The following SNAPC4 variants were observed in gnomAD, a reference collection of about 807,000 sequenced individuals.
SNAPC4 encodes snRNA-activating protein complex subunit 4.
A neutral mutation model predicts 151.3 loss-of-function variants in SNAPC4; 127 were observed. That is an observed-to-expected ratio of 0.84 (90% confidence interval 0.73 to 0.97). SNAPC4 has a LOEUF of 0.97. Ranked by LOEUF, SNAPC4 falls within the 50% of genes least tolerant of loss-of-function variation. The pLI, the probability that SNAPC4 is intolerant of heterozygous loss-of-function variation, is 0.00. For missense variants in SNAPC4, 2,186 were observed against 1,935.0 expected, an observed-to-expected ratio of 1.13 and a Z score of -2.43; for synonymous variants, 1,002 against 824.4, an observed-to-expected ratio of 1.22 and a Z score of -3.69.
Position 136,397,005 on chromosome 9 carries a change from T to A in SNAPC4, c.149A>T (p.Asp50Val). 5 of 1,612,696 alleles carry A rather than the reference T, an allele frequency of 3.1e-6. No individual in the cohort carries two copies. The highest frequency in any genetic ancestry group is 4.2e-6 in the Non-Finnish European group (5 of 1,179,896). ...DSEADSLPSE[D>V]LDPADPPISE... ...GATCGGGGGATCGGCAGGATCCAAG[T>A]CCTCAGAAGGCAGTGAATCTGTCAG... The change falls in exon 3 of 24, where the codon GAC becomes GTC. Residue 50 changes from aspartate to valine, a missense_variant. Physicochemically the swap from Asp to Val is radical, Grantham distance 152 (BLOSUM62 -3). Coordinates refer to ENST00000684778, the MANE Select transcript of SNAPC4 (RefSeq NM_003086.4).
Position 136,383,903 on chromosome 9 carries a change from T to A in SNAPC4, c.1500+50A>T, listed in dbSNP as rs775081460. On this transcript the variant is annotated intron_variant, in intron 15 of 23. Transcript: ENST00000684778. The surrounding 1 kb of genome is among the most constrained non-coding windows in gnomAD (Gnocchi z 4.2). Reference sequence around the variant, plus strand: ...TCCTCCTGCCTGCTGGACCCCCCAGTTGACCAGGCCATTGTCTGGTTTCAG... The same window carrying A: ...TCCTCCTGCCTGCTGGACCCCCCAGATGACCAGGCCATTGTCTGGTTTCAG... The A allele has an allele frequency of 7.4e-7, 1 of 1,358,958 alleles. No homozygotes were observed. Among genetic ancestry groups the A allele is most frequent in the Non-Finnish European group, 1.0e-6 (1 of 961,224 alleles). 84.2% of individuals were successfully genotyped at this position (1,358,958 alleles called of 1,614,324 possible).
At chr9:136,388,710 AC>A (rs1370876547) in intron 10 of SNAPC4, 119 bp from the exon 11 acceptor site, 13 of 1,156,900 alleles carry the variant, frequency 1.1e-5, no homozygotes, top group Non-Finnish European at 1.6e-5. Flanking sequence ...CCTTCTGCAG[AC>A]CCCAGCTCTC....
At chr9:136,389,083 C>T (rs1380189473) in intron 10 of SNAPC4, among the ~76,000 whole-genome samples, 5 of 152,176 alleles carry the variant, frequency 3.3e-5, no homozygotes, top group South Asian at 2.1e-4. Context: ...TCTCAGGAGA[C>T]GCCCTCAGAA....
At position 136,378,596 on chromosome 9, in the gene SNAPC4, G is replaced by A. The variant is rs573845967; in HGVS notation, c.3231C>T (p.Thr1077=). The A allele has an allele frequency of 3.9e-5, 61 of 1,582,970 alleles. 1 individual carries two copies. The South Asian group carries it at 5.1e-4, about 13-fold the overall frequency. Reference sequence around the variant, plus strand: ...GAAGCCCCTGGGCTGTGAGCACCCAGGTGACAGGCAGGGGGACACTGGTCG... The same window carrying A: ...GAAGCCCCTGGGCTGTGAGCACCCAAGTGACAGGCAGGGGGACACTGGTCG... ...HVATSVPLPV[T]WVLTAQGLLP... The change falls in exon 22 of 24, where the codon ACC becomes ACT. Residue 1077 remains threonine (T), a synonymous_variant. Transcript: ENST00000684778.
rs1449111062 is a variant in SNAPC4, at chr9:136,377,640, A to G, written c.4187T>C (p.Val1396Ala). ...GTCTTCATCCTCACTCTCAGAGCCCACCCTCGAAGGTACTGAGAGGGTGGT... is the reference window on the plus strand; with the variant it reads ...GTCTTCATCCTCACTCTCAGAGCCCGCCCTCGAAGGTACTGAGAGGGTGGT... The part of the protein sequence containing the change: ...VRTTLSVPSR[V>A]GSESEDEDLL... Residue 1396 changes from valine (V) to alanine (A), a missense_variant, in exon 22 of 24, where the codon GTG (valine) becomes GCG (alanine). Val to Ala is a moderately conservative substitution (Grantham distance 64). Transcript: ENST00000684778. 8 of 1,586,114 alleles carry G rather than the reference A, an allele frequency of 5.0e-6. No homozygotes were observed. Among genetic ancestry groups the G allele is most frequent in the African/African-American group, 2.7e-5 (2 of 73,906 alleles).
rs771038292 is a variant in SNAPC4 at position 136,377,591 on chromosome 9, T to C, written c.4236A>G (p.Ala1412=). The part of the protein sequence containing the change: ...DEDLLSELEL[A]DRDGQPGCTT... ...TGCAGCCCGGCTGCCCGTCCCTGTC[T>C]GCAAGTTCCAGCTCACTCAGGAGGT... is the stretch of plus-strand genomic sequence containing the variant. The change falls in exon 22 of 24, where the codon GCA becomes GCG. Residue 1412 remains alanine, a synonymous_variant. Coordinates refer to ENST00000684778, the MANE Select transcript of SNAPC4 (RefSeq NM_003086.4). The C allele has an allele frequency of 5.9e-6, 9 of 1,530,822 alleles. No individual in the cohort carries two copies. The South Asian group carries it at 1.1e-4, about 19-fold the overall frequency. The allele number at this position is 1,530,822 out of a possible 1,614,324, so 94.8% of individuals were successfully genotyped here.
Position 136,394,887 on chromosome 9 carries a change from G to A in SNAPC4, c.472-9C>T. Reference sequence around the variant, plus strand: ...TCGTTGGCAGGTGGCCCCTGTCAGGGTGCACGGCATCACCACAAGCACAGG... The same window carrying A: ...TCGTTGGCAGGTGGCCCCTGTCAGGATGCACGGCATCACCACAAGCACAGG... On this transcript the variant is annotated splice_polypyrimidine_tract_variant and intron_variant, in intron 5 of 23. Coordinates refer to ENST00000684778, the MANE Select transcript of SNAPC4 (RefSeq NM_003086.4). The A allele has an allele frequency of 1.2e-6, 2 of 1,613,198 alleles. No individual in the cohort carries two copies. The highest frequency in any genetic ancestry group is 1.7e-6 in the Non-Finnish European group (2 of 1,179,520).
chr9:136,379,800 A>G, intron 21 of SNAPC4, 37 bp downstream of exon 21: 1 of 1,603,852 alleles, frequency 6.2e-7, no homozygotes. Context: ...GGGCCAGGTT[A>G]GGTCTCTTCC....
At position 136,376,366 on chromosome 9, in the gene SNAPC4, C is replaced by G. The variant is rs200723535; in HGVS notation, c.4400G>C (p.Arg1467Pro). 1.9e-6 allele frequency: 3 copies of G among 1,613,072 alleles called. No homozygotes were observed. The highest frequency in any genetic ancestry group is 2.7e-5 in the African/African-American group (2 of 74,940). ...RHARHTRKRR[R>P]LV Reference sequence around the variant, plus strand: ...GGACTCACCTGCTGCTCACACCAGCCGCCTCCGCTTCCGGGTGTGCCTGGC... The same window carrying G: ...GGACTCACCTGCTGCTCACACCAGCGGCCTCCGCTTCCGGGTGTGCCTGGC... Residue 1467 changes from arginine to proline, a missense_variant, in exon 23 of 24, where the codon CGG becomes CCG. Physicochemically the swap from Arg to Pro is moderately radical, Grantham distance 103 (BLOSUM62 -2). Transcript: ENST00000684778.
intron 10 of SNAPC4, among the ~76,000 whole-genome samples, chr9:136,389,610 G>A (rs993158170): frequency 1.3e-5 from 2 of 152,218 alleles, no homozygotes; most frequent in African/African-American, 2.4e-5. Flanking sequence ...GCCCCCAAGA[G>A]AGTGCTTCTG....
chr9:136,377,921 G>C lies in SNAPC4; in HGVS notation c.3906C>G (p.Pro1302=), dbSNP rs373667527. Residue 1302 remains proline (P), a synonymous_variant, in exon 22 of 24, where the codon CCC becomes CCG. Transcript: ENST00000684778. ...GGCTGCACAGGGCTGGGGGCTGATA[G>C]GGCAGTCTGCTGCCCAGAAGAGGCA... is the stretch of plus-strand genomic sequence containing the variant. ...VRVPLLGSRL[P]YQPPALCSLR... is the part of the protein sequence containing the mutation. The C allele has an allele frequency of 1.9e-6, 3 of 1,609,998 alleles. No homozygotes were observed. Among genetic ancestry groups the C allele is most frequent in the Non-Finnish European group, 1.7e-6 (2 of 1,179,062 alleles).
chr9:136,383,675 G>T lies in SNAPC4; in HGVS notation c.1501-7C>A, dbSNP rs1476571395. On this transcript the variant is annotated splice_region_variant and splice_polypyrimidine_tract_variant and intron_variant, in intron 15 of 23. Coordinates refer to ENST00000684778, the MANE Select transcript of SNAPC4 (RefSeq NM_003086.4). This position sits in a 1 kb window ranked among gnomAD's most constrained non-coding sequence, Gnocchi z 4.2. The stretch of plus-strand genomic sequence containing the variant: ...TCCGGAGACCCTGCTTCTTCTGAGG[G>T]GAGGAAAGAGCTACTTAGAGGCCTT... The T allele has an allele frequency of 1.3e-6, 2 of 1,593,932 alleles. No homozygotes were observed. The highest frequency in any genetic ancestry group is 1.7e-6 in the Non-Finnish European group (2 of 1,169,518).
intron 10 of SNAPC4, among the ~76,000 whole-genome samples, chr9:136,390,863 G>A (rs1834048566): frequency 6.6e-6 from 1 of 150,730 alleles, no homozygotes; most frequent in Non-Finnish European, 1.5e-5. Flanking sequence ...TTGAGACGGA[G>A]TCTTGCTGTC....
At position 136,378,203 on chromosome 9, in the gene SNAPC4, G is replaced by C. The variant is rs1284349633; in HGVS notation, c.3624C>G (p.Ala1208=). The change falls in exon 22 of 24, where the codon GCC becomes GCG. Residue 1208 remains alanine, a synonymous_variant. Coordinates refer to ENST00000684778, the MANE Select transcript of SNAPC4 (RefSeq NM_003086.4). ...CAGTTGCTGGGATGACACCACCGAAGGCTGGCAGCCTCCCGGACCAAGGGG... is the reference window on the plus strand; with the variant it reads ...CAGTTGCTGGGATGACACCACCGAACGCTGGCAGCCTCCCGGACCAAGGGG... ...AEPPWSGRLP[A]FGGVIPATEP... 1.2e-6 allele frequency: 2 copies of C among 1,612,184 alleles called. No homozygotes were observed. The highest frequency in any genetic ancestry group is 1.7e-5 in the Admixed American group (1 of 59,960).
chr9:136,377,782 C>T lies in SNAPC4; in HGVS notation c.4045G>A (p.Gly1349Arg), dbSNP rs1461532083. Reference sequence around the variant, plus strand: ...TCCTGGAGCTGCCCCCGCACCAGCCCCAGTGAGGCTTGCAGTGCTCCGGCC... The same window carrying T: ...TCCTGGAGCTGCCCCCGCACCAGCCTCAGTGAGGCTTGCAGTGCTCCGGCC... Reference protein sequence around the residue: ...RPAGALQASLGLVRGQLQDNP... With the variant: ...RPAGALQASLRLVRGQLQDNP... The change falls in exon 22 of 24, where the codon GGG becomes AGG. Residue 1349 changes from glycine to arginine, a missense_variant. Gly to Arg is a moderately radical substitution (Grantham distance 125). Transcript: ENST00000684778. 2.9e-5 allele frequency: 46 copies of T among 1,611,816 alleles called. No homozygotes were observed. Among genetic ancestry groups the T allele is most frequent in the Non-Finnish European group, 3.9e-5 (46 of 1,179,658 alleles).
At chr9:136,388,352 T>A in intron 11 of SNAPC4, 92 bp downstream of exon 11, 1 of 1,355,578 alleles carries the variant, frequency 7.4e-7, no homozygotes, top group East Asian at 2.4e-5. Flanking sequence ...GTCTGTCTTG[T>A]TGCTTCTCTG....
At chr9:136,397,590 T>C (rs1423800237) in intron 2 of SNAPC4, among the ~76,000 whole-genome samples, 1 of 87,282 alleles carries the variant, frequency 1.1e-5, no homozygotes, top group Non-Finnish European at 2.3e-5. Flanking sequence ...GGGGAGCCTA[T>C]GGGGTGGGGA....
Position 136,388,501 on chromosome 9 carries a change from T to G in SNAPC4, c.1066A>C (p.Met356Leu). Reference sequence around the variant, plus strand: ...ATCTCCTGCACCAGCTGCGTGAGCATGCGGTCCTCCTCCTCTGTCCACTCC... The same window carrying G: ...ATCTCCTGCACCAGCTGCGTGAGCAGGCGGTCCTCCTCCTCTGTCCACTCC... ...RKEWTEEEDR[M>L]LTQLVQEMRV... Residue 356 changes from methionine to leucine, a missense_variant, in exon 11 of 24, where the codon ATG (methionine) becomes CTG (leucine). Physicochemically the swap from Met to Leu is conservative, Grantham distance 15. Transcript: ENST00000684778. 1 of 1,613,678 alleles carries G rather than the reference T, an allele frequency of 6.2e-7. No homozygotes were observed. The highest frequency in any genetic ancestry group is 8.5e-7 in the Non-Finnish European group (1 of 1,179,858).
chr9:136,379,990 G>T, intron 20 of SNAPC4, 126 bp from the exon 21 acceptor site: 1 of 1,405,210 alleles, frequency 7.1e-7, no homozygotes, highest in Non-Finnish European at 9.9e-7. Context: ...GGCTGGTGCT[G>T]GCCTCCCACA....
Sources: gnomAD v4.1 joint callset for allele counts (sites outside exome capture counted in the v4.1 genomes callset) on GRCh38, gnomAD v4.1.1 for gene constraint, Gnocchi (gnomAD v3.1) non-coding constraint, MANE v1.5 for transcripts, NCBI Gene and HGNC (gene_info 2026-07-23, HGNC 2026-07-21) for gene names.